The following CFAP58 variants were observed in gnomAD, a reference collection of about 807,000 sequenced individuals.
The protein encoded by CFAP58 is cilia and flagella associated protein 58, also known as cilia- and flagella-associated protein 58.
Under a neutral mutation model 119.5 loss-of-function variants are expected in CFAP58, and 88 were observed. The ratio of observed to expected loss-of-function variants is 0.74; its 90% CI spans 0.62 to 0.88. The LOEUF (loss-of-function observed/expected upper bound fraction) is 0.88, where lower values mean the gene tolerates loss of function less well. CFAP58 is among the 40% of genes least tolerant of loss of function. The pLI, the probability that CFAP58 is intolerant of heterozygous loss-of-function variation, is 0.00. For synonymous variants in CFAP58, 365 were observed against 366.3 expected (o/e 1.00, Z 0.04); for missense variants, 990 against 1,021.2 (o/e 0.97, Z 0.42).
intron 5 of CFAP58, among the ~76,000 whole-genome samples, chr10:104,367,377 C>A (rs115112911): frequency 0.01 from 1,529 of 152,182 alleles, 33 homozygotes; most frequent in African/African-American, 0.035. Context: ...AAGCTTGTTT[C>A]CAAAGAATTG....
chr10:104,401,351 A>G (rs1224224877), intron 13 of CFAP58, among the ~76,000 whole-genome samples: 1 of 152,232 alleles, frequency 6.6e-6, no homozygotes, highest in African/African-American at 2.4e-5. Context: ...AGAGGTGGAA[A>G]ATATAATTTT....
At chr10:104,344,080 C>T in the CFAP58 span, among the ~76,000 whole-genome samples, 1 of 152,228 alleles carries the variant, frequency 6.6e-6, no homozygotes, top group African/African-American at 2.4e-5. Flanking sequence ...TAACTCACAT[C>T]TCTGTTTTGA....
chr10:104,411,285 A>G (rs958884068), intron 15 of CFAP58, among the ~76,000 whole-genome samples: 1 of 152,052 alleles, frequency 6.6e-6, no homozygotes, highest in Non-Finnish European at 1.5e-5. Flanking sequence ...TTTATTTTCA[A>G]TTATTTTATT....
At position 104,419,102 on chromosome 10, in the gene CFAP58, T is replaced by G. The variant is rs369410674; in HGVS notation, c.2256+12309T>G. On this transcript the variant is annotated intron_variant, in intron 15 of 17. Transcript: ENST00000369704. ...CTGGGGCCTGTTTCTTGGCTGCCAC[T>G]TCTTTCTGGGGTTTCTGGGAATGCC... Among the ~76,000 whole-genome samples the G allele has an allele frequency of 1.1e-4, 17 of 152,314 alleles. No individual in the cohort carries two copies. The East Asian group carries it at 2.5e-3, about 22-fold the overall frequency.
At position 104,393,433 on chromosome 10, in the gene CFAP58, C is replaced by T; in HGVS notation, c.1632C>T (p.His544=). Residue 544 remains histidine (H), a synonymous_variant, in exon 11 of 18, where the codon CAC becomes CAT. Coordinates refer to ENST00000369704, the MANE Select transcript of CFAP58 (RefSeq NM_001008723.2). ...SAKESALVKL[H]LEQQRIEKEK... ...AAGAGTCCGCACTTGTGAAGCTGCACCTGGAACAGCAGCGAATAGAAAAGG... is the reference window on the plus strand; with the variant it reads ...AAGAGTCCGCACTTGTGAAGCTGCATCTGGAACAGCAGCGAATAGAAAAGG... 2 of 1,613,896 alleles carry T rather than the reference C, an allele frequency of 1.2e-6. No homozygotes were observed. Among genetic ancestry groups the T allele is most frequent in the Non-Finnish European group, 1.7e-6 (2 of 1,179,866 alleles).
chr10:104,446,512 G>A (rs141698055), intron 15 of CFAP58, among the ~76,000 whole-genome samples: 111 of 152,232 alleles, frequency 7.3e-4, no homozygotes, highest in African/African-American at 2.6e-3. Flanking sequence ...GATTTTTTAT[G>A]ACTTTTATAT....
intron 13 of CFAP58, among the ~76,000 whole-genome samples, chr10:104,402,594 C>T (rs549940106): frequency 1.3e-5 from 2 of 152,294 alleles, no homozygotes; most frequent in Admixed American, 6.5e-5. Flanking sequence ...ACAGCCAGCT[C>T]GCAACACTGA....
At chr10:104,445,433 A>G (rs2013099890) in intron 15 of CFAP58, among the ~76,000 whole-genome samples, 1 of 152,094 alleles carries the variant, frequency 6.6e-6, no homozygotes, top group African/African-American at 2.4e-5. Context: ...AACATCATTC[A>G]CTCTGTGTCA....
chr10:104,410,274 C>T (rs1326775701), intron 15 of CFAP58, among the ~76,000 whole-genome samples: 3 of 152,206 alleles, frequency 2.0e-5, no homozygotes, highest in African/African-American at 7.2e-5. Context: ...TTTCCAAAAT[C>T]AGCCATCACC....
chr10:104,363,536 G>A (rs982684201), intron 3 of CFAP58, among the ~76,000 whole-genome samples: 8 of 152,178 alleles, frequency 5.3e-5, no homozygotes, highest in Non-Finnish European at 1.0e-4. Context: ...CATATTCAGA[G>A]CAACTACTGA....
Position 104,413,016 on chromosome 10 carries a change from AT to A in CFAP58, c.2256+6224del, listed in dbSNP as rs563252893. Among the ~76,000 whole-genome samples, 64 of 152,332 alleles carry A rather than the reference AT, an allele frequency of 4.2e-4. No homozygotes were observed. In the South Asian group the frequency reaches 0.013, roughly 32 times the overall value. On this transcript the variant is annotated intron_variant, in intron 15 of 17. Coordinates refer to ENST00000369704, the MANE Select transcript of CFAP58 (RefSeq NM_001008723.2). ...GTAATTAATGAAATAGTTGTAATTA[AT>A]ATGTAATGGCTCTTTCCTGTTAGAC...
intron 15 of CFAP58, among the ~76,000 whole-genome samples, chr10:104,440,371 T>G (rs1347459535): frequency 1.3e-5 from 2 of 152,148 alleles, no homozygotes; most frequent in African/African-American, 4.8e-5. Flanking sequence ...TGAATGTGAT[T>G]TGGTTGGGTC....
At chr10:104,361,421 G>A (rs977485600) in intron 2 of CFAP58, among the ~76,000 whole-genome samples, 12 of 152,150 alleles carry the variant, frequency 7.9e-5, no homozygotes, top group African/African-American at 2.9e-4. Context: ...AGTTCACATT[G>A]TCACTAGGAG....
intron 8 of CFAP58, among the ~76,000 whole-genome samples, chr10:104,379,580 C>A (rs2011739739): frequency 6.6e-6 from 1 of 152,142 alleles, no homozygotes; most frequent in South Asian, 2.1e-4. Flanking sequence ...TGCTTTTTAT[C>A]TTCCTTTGTA....
chr10:104,357,845 GTACACATATATACACATATA>G lies in CFAP58; in HGVS notation c.10-484_10-465del, dbSNP rs57307099. ...TATATACACATATATGTACACATAT[GTACACATATATACACATATA>G]TACACATATATGTACACATATATAA... On this transcript the variant is annotated intron_variant, in intron 1 of 17. Coordinates refer to ENST00000369704, the MANE Select transcript of CFAP58 (RefSeq NM_001008723.2). 1.2e-3 allele frequency among the ~76,000 whole-genome samples: 109 copies of G among 91,546 alleles called. 3 individuals are homozygous for G. The highest frequency in any genetic ancestry group is 4.3e-3 in the African/African-American group (66 of 15,470). 60.1% of individuals were successfully genotyped at this position (91,546 alleles called of 152,430 possible). A position where few individuals can be genotyped will look rare whatever the true frequency, so the allele number is the denominator to read the frequency against.
At chr10:104,398,127 G>T (rs2012197077) in intron 11 of CFAP58, among the ~76,000 whole-genome samples, 1 of 152,198 alleles carries the variant, frequency 6.6e-6, no homozygotes, top group Non-Finnish European at 1.5e-5. Flanking sequence ...TGACCTGACT[G>T]GTTCTTCCCT....
rs1003763031 is a variant in CFAP58, at chr10:104,370,541, C to T, written c.931-354C>T. Among the ~76,000 whole-genome samples the T allele has an allele frequency of 3.3e-5, 5 of 152,076 alleles. No individual in the cohort carries two copies. The South Asian group carries it at 1.0e-3, about 32-fold the overall frequency. ...AGGAGAATAGCATGGGAAAGACCTG[C>T]CCCCGTGATTCAATTACCTCCCATC... On this transcript the variant is annotated intron_variant, in intron 6 of 17. Transcript: ENST00000369704.
intron 16 of CFAP58, among the ~76,000 whole-genome samples, chr10:104,448,553 C>G (rs1471238897): frequency 6.6e-6 from 1 of 152,310 alleles, no homozygotes; most frequent in Non-Finnish European, 1.5e-5. Context: ...GAAGCATGTG[C>G]CAGTTGAATT....
rs1423620297 is a variant in CFAP58 at position 104,447,749 on chromosome 10, G to A, written c.2308G>A (p.Gly770Arg). ...AAAGCACGTCTTGGCCCGCCAGCCT[G>A]GACCTGAGGCTGCGGAACAGCTGAA... ...ELKHVLARQP[G>R]PEAAEQLKLY... The change falls in exon 16 of 18, where the codon GGA becomes AGA. Residue 770 changes from glycine (G) to arginine (R), a missense_variant. Gly to Arg is a moderately radical substitution (Grantham distance 125, BLOSUM62 -2). Coordinates refer to ENST00000369704, the MANE Select transcript of CFAP58 (RefSeq NM_001008723.2). 2 of 1,614,160 alleles carry A rather than the reference G, an allele frequency of 1.2e-6. No homozygotes were observed. Among genetic ancestry groups the A allele is most frequent in the Non-Finnish European group, 8.5e-7 (1 of 1,180,000 alleles).
Sources: allele counts gnomAD v4.1 joint callset (sites outside exome capture counted in the v4.1 genomes callset), GRCh38; gene constraint gnomAD v4.1.1; transcripts MANE v1.5; gene names NCBI Gene and HGNC (gene_info 2026-07-23, HGNC 2026-07-21).